HPSE2: variants seen among roughly 807,000 people sequenced by gnomAD.
The protein encoded by HPSE2 is inactive heparanase-2.
In HPSE2, 38 loss-of-function variants were observed where a neutral mutation model predicts 60.5. The ratio of observed to expected loss-of-function variants is 0.63; its 90% CI spans 0.48 to 0.82. HPSE2 has a LOEUF of 0.82. HPSE2 is among the 40% of genes least tolerant of loss of function. HPSE2 has a pLI of 0.00. For synonymous variants in HPSE2, 295 were observed against 293.2 expected, an observed-to-expected ratio of 1.01 and a Z score of -0.06; for missense variants, 713 against 740.4, an observed-to-expected ratio of 0.96 and a Z score of 0.43.
At chr10:98,666,621 C>A (rs1287645518) in intron 6 of HPSE2, among the ~76,000 whole-genome samples, 2 of 151,992 alleles carry the variant, frequency 1.3e-5, no homozygotes, top group Non-Finnish European at 2.9e-5. Context: ...GAAATTAATA[C>A]CAAGAAGATC....
intron 3 of HPSE2, among the ~76,000 whole-genome samples, chr10:99,086,332 C>T (rs953207197): frequency 2.0e-5 from 3 of 146,738 alleles, no homozygotes; most frequent in African/African-American, 5.0e-5. Flanking sequence ...GGTGGTAATA[C>T]GGAAAAGTAC....
intron 4 of HPSE2, among the ~76,000 whole-genome samples, chr10:98,723,549 C>T (rs1948984848): frequency 6.6e-6 from 1 of 152,146 alleles, no homozygotes; most frequent in Admixed American, 6.5e-5. Flanking sequence ...GTACCAGCTC[C>T]TCCTTGTACT....
chr10:99,306,891 G>A, the HPSE2 span, among the ~76,000 whole-genome samples: 14 of 152,090 alleles, frequency 9.2e-5, no homozygotes, highest in South Asian at 2.1e-4. Context: ...TGTATTTTTA[G>A]TAGAGACGGG....
At chr10:99,249,224 C>T in the HPSE2 span, among the ~76,000 whole-genome samples, 6 of 152,212 alleles carry the variant, frequency 3.9e-5, no homozygotes, top group African/African-American at 1.4e-4. Context: ...GCTGCAGGCA[C>T]TCAACACCAG....
chr10:99,162,851 CCAAAA>C (rs1053311858), intron 2 of HPSE2, among the ~76,000 whole-genome samples: 1 of 152,086 alleles, frequency 6.6e-6, no homozygotes, highest in African/African-American at 2.4e-5. Context: ...CTAAAACAGT[CCAAAA>C]CAACATCCAT....
At chr10:98,967,709 G>A (rs1955847922) in intron 3 of HPSE2, among the ~76,000 whole-genome samples, 1 of 152,058 alleles carries the variant, frequency 6.6e-6, no homozygotes, top group African/African-American at 2.4e-5. Flanking sequence ...TAATGAACTG[G>A]TAAAGCAAAT....
chr10:98,788,830 C>T (rs1040509090), intron 3 of HPSE2, among the ~76,000 whole-genome samples: 8 of 151,202 alleles, frequency 5.3e-5, no homozygotes, highest in African/African-American at 1.9e-4. Context: ...ACACACTGGC[C>T]TGCACCCACT....
chr10:99,132,215 G>A (rs866972336), intron 3 of HPSE2, among the ~76,000 whole-genome samples: 1,263 of 20,700 alleles, frequency 0.061, 144 homozygotes, highest in Middle Eastern at 0.21. Context: ...GAGAGAGAGA[G>A]AGAGAGAGAG....
intron 2 of HPSE2, among the ~76,000 whole-genome samples, chr10:99,207,835 T>C (rs1406991075): frequency 6.6e-6 from 1 of 151,822 alleles, no homozygotes; most frequent in Non-Finnish European, 1.5e-5. Flanking sequence ...GGGATACAGT[T>C]CAAGATCCCC....
intron 6 of HPSE2, among the ~76,000 whole-genome samples, chr10:98,649,092 G>C (rs966704716): frequency 4.6e-5 from 7 of 152,234 alleles, no homozygotes; most frequent in African/African-American, 1.7e-4. Flanking sequence ...TAAGTTGCCA[G>C]AACCCAACCA....
chr10:99,113,602 G>A (rs1271116922), intron 3 of HPSE2, among the ~76,000 whole-genome samples: 1 of 152,030 alleles, frequency 6.6e-6, no homozygotes, highest in Non-Finnish European at 1.5e-5. Context: ...GTTTTACTTT[G>A]ATAATGGTTC....
the HPSE2 span, among the ~76,000 whole-genome samples, chr10:99,244,393 T>TATG: frequency 2.1e-5 from 3 of 143,916 alleles, 1 homozygote; most frequent in Admixed American, 2.1e-4. Flanking sequence ...TTATTATTAT[T>TATG]ATTATTATTA....
At chr10:98,797,205 A>G (rs1455652540) in intron 3 of HPSE2, among the ~76,000 whole-genome samples, 1 of 152,218 alleles carries the variant, frequency 6.6e-6, no homozygotes, top group Non-Finnish European at 1.5e-5. Context: ...GAGTATTCAA[A>G]ACAGCTGTTT....
At chr10:98,942,922 TC>T (rs1370259104) in intron 3 of HPSE2, among the ~76,000 whole-genome samples, 2 of 151,784 alleles carry the variant, frequency 1.3e-5, no homozygotes, top group African/African-American at 4.8e-5. Context: ...TGAGTTCATG[TC>T]CTTTGTAGGG....
At chr10:98,597,006 C>T (rs567586037) in intron 9 of HPSE2, among the ~76,000 whole-genome samples, 1 of 152,158 alleles carries the variant, frequency 6.6e-6, no homozygotes, top group South Asian at 2.1e-4. Context: ...GAAACAAACA[C>T]GTCCTTCTTT....
intron 2 of HPSE2, among the ~76,000 whole-genome samples, chr10:99,212,412 T>A (rs542559352): frequency 6.6e-6 from 1 of 152,210 alleles, no homozygotes; most frequent in South Asian, 2.1e-4. Flanking sequence ...CCCACTTAAG[T>A]GTCCATCAAC....
chr10:98,836,865 C>G (rs1039383181), intron 3 of HPSE2, among the ~76,000 whole-genome samples: 4 of 152,002 alleles, frequency 2.6e-5, no homozygotes, highest in African/African-American at 7.2e-5. Flanking sequence ...ATGGAGAAAC[C>G]CCGTCTCTAC....
At chr10:98,805,512 G>A (rs549254948) in intron 3 of HPSE2, among the ~76,000 whole-genome samples, 67 of 151,854 alleles carry the variant, frequency 4.4e-4, no homozygotes, top group African/African-American at 2.7e-4. Context: ...CATATCTTGT[G>A]TACCTCATAA....
At chr10:99,148,994 C>T (rs1846161217) in intron 2 of HPSE2, among the ~76,000 whole-genome samples, 1 of 151,860 alleles carries the variant, frequency 6.6e-6, no homozygotes, top group African/African-American at 2.4e-5. Context: ...TAACCAAACA[C>T]CACCTGTTCC....
Sources: gnomAD v4.1 joint callset for allele counts (sites outside exome capture counted in the v4.1 genomes callset) on GRCh38, gnomAD v4.1.1 for gene constraint, MANE v1.5 for transcripts, NCBI Gene and HGNC (gene_info 2026-07-23, HGNC 2026-07-21) for gene names.